TBCE: variants seen among roughly 807,000 people sequenced by gnomAD.
The protein encoded by TBCE is tubulin-specific chaperone E.
TBCE carries 53 observed loss-of-function variants against 77.0 expected under a neutral mutation model. The ratio of observed to expected loss-of-function variants is 0.69; its 90% CI spans 0.55 to 0.87. TBCE has a LOEUF of 0.87. TBCE is among the 40% of genes least tolerant of loss of function. The pLI is 0.00. For missense variants in TBCE, 624 were observed against 622.4 expected, an observed-to-expected ratio of 1.00 and a Z score of -0.03; for synonymous variants, 235 against 241.3, an observed-to-expected ratio of 0.97 and a Z score of 0.24.
At chr1:235,412,136 C>CCTTTCCCTTCCCATCCCTTTCCCTTCCCA (rs1278618181) in intron 3 of TBCE, among the ~76,000 whole-genome samples, 2 of 13,070 alleles carry the variant, frequency 1.5e-4, no homozygotes, top group African/African-American at 4.2e-4. Context: ...TTCCCTTCTC[C>CCTTTCCCTTCCCATCCCTTTCCCTTCCCA]TCCCCTTCCC....
chr1:235,380,791 T>C (rs1382128666), intron 2 of TBCE, among the ~76,000 whole-genome samples: 2 of 152,152 alleles, frequency 1.3e-5, no homozygotes, highest in African/African-American at 4.8e-5. Flanking sequence ...TTGACTGTTT[T>C]CTGTGTATTT....
chr1:235,419,450 T>C, intron 4 of TBCE, 23 bp from the exon 5 acceptor site: 2 of 1,614,214 alleles, frequency 1.2e-6, no homozygotes, highest in Non-Finnish European at 1.7e-6. Flanking sequence ...TATGTATCCA[T>C]GTGAACTCTG....
At chr1:235,394,949 C>T (rs565392001) in intron 2 of TBCE, among the ~76,000 whole-genome samples, 4 of 152,292 alleles carry the variant, frequency 2.6e-5, no homozygotes, top group East Asian at 3.9e-4. Context: ...AAGCGATCCT[C>T]CTGCCTTGGC....
chr1:235,391,421 G>T (rs1678378368), intron 2 of TBCE, among the ~76,000 whole-genome samples: 1 of 150,534 alleles, frequency 6.6e-6, no homozygotes, highest in Non-Finnish European at 1.5e-5. Flanking sequence ...GGACGTGGAG[G>T]TTGCAGTGAG....
intron 15 of TBCE, 87 bp from the exon 16 acceptor site, chr1:235,448,262 A>G (rs1682587657): frequency 9.2e-6 from 9 of 975,692 alleles, no homozygotes; most frequent in Non-Finnish European, 1.3e-5. Flanking sequence ...CTATCATTGC[A>G]ATGATACTGT....
chr1:235,433,038 C>T, intron 7 of TBCE: 2 of 1,548,002 alleles, frequency 1.3e-6, no homozygotes, highest in Non-Finnish European at 1.7e-6. Context: ...AGAAATGCTC[C>T]ACCAGCAACT....
intron 2 of TBCE, among the ~76,000 whole-genome samples, chr1:235,395,847 G>A (rs560849166): frequency 2.6e-5 from 4 of 151,550 alleles, no homozygotes; most frequent in Middle Eastern, 3.4e-3. Context: ...GCCCAGCCCC[G>A]TTCTACTTGC....
At chr1:235,428,052 C>A (rs1186987645) in intron 6 of TBCE, among the ~76,000 whole-genome samples, 7 of 151,154 alleles carry the variant, frequency 4.6e-5, no homozygotes, top group Admixed American at 2.6e-4. Context: ...GGGCCAGGCG[C>A]AGTGGCTCAC....
intron 3 of TBCE, among the ~76,000 whole-genome samples, chr1:235,407,768 A>G (rs1421998109): frequency 6.6e-6 from 1 of 152,154 alleles, no homozygotes; most frequent in Non-Finnish European, 1.5e-5. Flanking sequence ...TGTCCTTCCT[A>G]GGTACTCCTG....
At position 235,419,503 on chromosome 1, in the gene TBCE, G is replaced by A. The variant is rs1680277923; in HGVS notation, c.402G>A (p.Leu134=). 1 of 1,614,124 alleles carries A rather than the reference G, an allele frequency of 6.2e-7. No homozygotes were observed. Among genetic ancestry groups the A allele is most frequent in the East Asian group, 2.2e-5 (1 of 44,874 alleles). The part of the protein sequence containing the change: ...SQLSKLQEVS[L]RNCAVSCAGE... ...TGAGCAAGTTGCAAGAAGTTTCTCT[G>A]AGGAACTGTGCAGTAAGTTGTGCTG... Residue 134 remains leucine (L), a synonymous_variant, in exon 5 of 17, where the codon CTG becomes CTA. Coordinates refer to ENST00000642610, the MANE Select transcript of TBCE (RefSeq NM_003193.5).
At chr1:235,404,804 G>C (rs983496796) in intron 3 of TBCE, among the ~76,000 whole-genome samples, 2 of 151,746 alleles carry the variant, frequency 1.3e-5, no homozygotes, top group South Asian at 2.1e-4. Context: ...TGAGATTACA[G>C]GCATGCGCCA....
At chr1:235,371,680 C>T (rs888178058) in intron 1 of TBCE, among the ~76,000 whole-genome samples, 3 of 148,910 alleles carry the variant, frequency 2.0e-5, no homozygotes, top group African/African-American at 7.5e-5. Context: ...CCGGCCCCAC[C>T]TTTTTTTCTG....
At chr1:235,442,711 A>G in intron 14 of TBCE, 141 bp from the exon 15 acceptor site, 1 of 743,394 alleles carries the variant, frequency 1.3e-6, no homozygotes, top group South Asian at 1.7e-5. Flanking sequence ...AAGGATTAAT[A>G]GAAAGAATTT....
intron 1 of TBCE, among the ~76,000 whole-genome samples, chr1:235,379,443 G>A (rs1369792512): frequency 6.6e-6 from 1 of 152,080 alleles, no homozygotes. Context: ...CAGGGGAATT[G>A]CTTGAACCAG....
At chr1:235,395,069 C>T (rs1158667617) in intron 2 of TBCE, among the ~76,000 whole-genome samples, 1 of 152,148 alleles carries the variant, frequency 6.6e-6, no homozygotes, top group Non-Finnish European at 1.5e-5. Context: ...TTATTCTTCA[C>T]CTACTAAAGG....
intron 1 of TBCE, among the ~76,000 whole-genome samples, chr1:235,376,039 C>T (rs1022239122): frequency 6.6e-6 from 1 of 152,054 alleles, no homozygotes; most frequent in Non-Finnish European, 1.5e-5. Context: ...GAGCGAGACT[C>T]TTCTCAAAAC....
chr1:235,414,716 T>C (rs1680018038), intron 4 of TBCE, 98 bp downstream of exon 4: 6 of 1,223,754 alleles, frequency 4.9e-6, no homozygotes, highest in Non-Finnish European at 7.1e-6. Context: ...ATGACTTTGC[T>C]CCTAAACTGG....
chr1:235,420,293 C>T (rs1680325498), intron 5 of TBCE, among the ~76,000 whole-genome samples: 1 of 151,828 alleles, frequency 6.6e-6, no homozygotes, highest in Non-Finnish European at 1.5e-5. Flanking sequence ...TCTGCTTCAG[C>T]CCTGGTCTGT....
chr1:235,383,298 G>A (rs1266928933), intron 2 of TBCE, among the ~76,000 whole-genome samples: 1 of 152,092 alleles, frequency 6.6e-6, no homozygotes, highest in African/African-American at 2.4e-5. Flanking sequence ...TGGCGATGCG[G>A]GCTCTTTTTT....
Sources: allele counts gnomAD v4.1 joint callset (sites outside exome capture counted in the v4.1 genomes callset), GRCh38; gene constraint gnomAD v4.1.1; transcripts MANE v1.5; gene names NCBI Gene and HGNC (gene_info 2026-07-23, HGNC 2026-07-21).